The following WWOX variants were observed in gnomAD, a reference collection of about 807,000 sequenced individuals.
WWOX encodes WW domain containing oxidoreductase, also known as WW domain-containing oxidoreductase.
WWOX carries 69 observed loss-of-function variants against 46.2 expected under a neutral mutation model. That is an observed-to-expected ratio of 1.49 (90% CI 1.23 to 1.82). The LOEUF (loss-of-function observed/expected upper bound fraction) is 1.82. Among genes scored for constraint, WWOX ranks in the 40% most tolerant of loss-of-function variants. The pLI is 0.00. For missense variants in WWOX, 919 were observed against 542.6 expected, an observed-to-expected ratio of 1.69 and a Z score of -6.89; for synonymous variants, 359 against 202.6, an observed-to-expected ratio of 1.77 and a Z score of -6.56.
At chr16:78,400,662 A>C (rs1282851816) in intron 6 of WWOX, among the ~76,000 whole-genome samples, 2 of 152,188 alleles carry the variant, frequency 1.3e-5, no homozygotes, top group Non-Finnish European at 2.9e-5. Context: ...AAGCAGGTAG[A>C]AAGGGAACAG....
intron 8 of WWOX, among the ~76,000 whole-genome samples, chr16:78,971,963 A>G (rs79696158): frequency 0.025 from 3,825 of 152,250 alleles, 159 homozygotes; most frequent in African/African-American, 0.087. Context: ...CTCGGGGAGC[A>G]TTGGAGCTCT....
chr16:78,914,384 G>C (rs1419127481), intron 8 of WWOX, among the ~76,000 whole-genome samples: 1 of 152,078 alleles, frequency 6.6e-6, no homozygotes, highest in South Asian at 2.1e-4. Context: ...AGAAATATTT[G>C]CAGGTGAGTG....
At position 78,740,250 on chromosome 16, in the gene WWOX, C is replaced by A. The variant is rs16948425; in HGVS notation, c.1056+307498C>A. ...AGGCTGGAGTCTTCAGGCGTTCTTA[C>A]AATGCTGATGCGACTCAGACGGCTG... is the stretch of plus-strand genomic sequence containing the variant. On this transcript the variant is annotated intron_variant, in intron 8 of 8. Transcript: ENST00000566780. Among the ~76,000 whole-genome samples the A allele has an allele frequency of 5.1e-3, 784 of 152,246 alleles. 7 individuals are homozygous for A. Among genetic ancestry groups the A allele is most frequent in the African/African-American group, 0.018 (740 of 41,532 alleles).
chr16:78,763,275 T>C lies in WWOX; in HGVS notation c.1056+330523T>C, dbSNP rs57783963. On this transcript the variant is annotated intron_variant, in intron 8 of 8. Coordinates refer to ENST00000566780, the MANE Select transcript of WWOX (RefSeq NM_016373.4). The stretch of plus-strand genomic sequence containing the variant: ...CCTGCATCCTGCAAATTTTGGTATG[T>C]TGTATTTTCATTCTCATTAATTCAA... Among the ~76,000 whole-genome samples the C allele has an allele frequency of 6.0e-3, 918 of 152,364 alleles. 4 individuals carry two copies. The highest frequency in any genetic ancestry group is 0.021 in the African/African-American group (863 of 41,586).
At chr16:78,417,776 C>G (rs74594252) in intron 6 of WWOX, among the ~76,000 whole-genome samples, 2,252 of 152,260 alleles carry the variant, frequency 0.015, 48 homozygotes, top group East Asian at 0.062. Context: ...TATCTCTTCA[C>G]AGAGTAGCTG....
At chr16:78,826,634 G>A (rs907767032) in intron 8 of WWOX, among the ~76,000 whole-genome samples, 4 of 152,120 alleles carry the variant, frequency 2.6e-5, no homozygotes, top group Admixed American at 1.3e-4. Flanking sequence ...GGTCTTCCTG[G>A]CTGATCTCAT....
intron 8 of WWOX, among the ~76,000 whole-genome samples, chr16:78,934,700 C>T (rs1182312500): frequency 6.6e-6 from 1 of 152,048 alleles, no homozygotes; most frequent in African/African-American, 2.4e-5. Context: ...AGCATTTAAA[C>T]TCTTATTTGA....
intron 5 of WWOX, 96 bp downstream of exon 5, chr16:78,164,385 T>C: frequency 2.8e-6 from 3 of 1,079,412 alleles, no homozygotes; most frequent in Non-Finnish European, 4.2e-6. Flanking sequence ...AGTTTATTGC[T>C]CTTGGAATCA....
At chr16:78,906,224 C>A in intron 8 of WWOX, among the ~76,000 whole-genome samples, 1 of 152,122 alleles carries the variant, frequency 6.6e-6, no homozygotes, top group East Asian at 1.9e-4. Context: ...CTCCCTGGGC[C>A]TTGAGATAGC....
intron 8 of WWOX, among the ~76,000 whole-genome samples, chr16:79,073,642 C>T (rs555981302): frequency 2.0e-5 from 3 of 152,084 alleles, no homozygotes; most frequent in Non-Finnish European, 2.9e-5. Context: ...TAATAAAATA[C>T]CTAATTTTCA....
At chr16:78,551,117 C>T (rs182167299) in intron 8 of WWOX, 1 of 151,924 alleles carries the variant, frequency 6.6e-6, no homozygotes, top group Non-Finnish European at 1.5e-5. Flanking sequence ...TGAATATATT[C>T]CATGAAACAG....
At chr16:78,257,431 G>T (rs1039368075) in intron 5 of WWOX, among the ~76,000 whole-genome samples, 2 of 152,202 alleles carry the variant, frequency 1.3e-5, no homozygotes, top group Non-Finnish European at 2.9e-5. Context: ...CCGTGAGGCG[G>T]TGCAGGCTCC....
chr16:78,407,679 A>T (rs975416344), intron 6 of WWOX, among the ~76,000 whole-genome samples: 6 of 152,152 alleles, frequency 3.9e-5, no homozygotes, highest in African/African-American at 1.2e-4. Flanking sequence ...TTCTTGATCA[A>T]CTAGAACCAC....
In WWOX at chr16:78,221,682, A is replaced by C. The variant is rs531880754; in HGVS notation, c.516+57393A>C. Among the ~76,000 whole-genome samples, 7 of 152,328 alleles carry C rather than the reference A, an allele frequency of 4.6e-5. No homozygotes were observed. In the South Asian group the frequency reaches 1.2e-3, roughly 27 times the overall value. ...GTTGCTAATTAATGACCCAAGAGCT[A>C]AGCCTTGTTTGATGAAATGCAAGAT... is the stretch of plus-strand genomic sequence containing the variant. On this transcript the variant is annotated intron_variant, in intron 5 of 8. Coordinates refer to ENST00000566780, the MANE Select transcript of WWOX (RefSeq NM_016373.4).
At position 78,729,555 on chromosome 16, in the gene WWOX, CT is replaced by C. The variant is rs568702815; in HGVS notation, c.1056+296804del. Among the ~76,000 whole-genome samples, 11 of 152,080 alleles carry C rather than the reference CT, an allele frequency of 7.2e-5. No homozygotes were observed. In the East Asian group the frequency reaches 2.1e-3, roughly 30 times the overall value. On this transcript the variant is annotated intron_variant, in intron 8 of 8. Transcript: ENST00000566780. ...GAGGGTGAAGTTGTGCATCCACAAG[CT>C]CAGATATGCCTGGAGCCATCAGGTG...
intron 8 of WWOX, among the ~76,000 whole-genome samples, chr16:79,146,284 G>C (rs368766338): frequency 3.3e-4 from 50 of 152,222 alleles, no homozygotes; most frequent in African/African-American, 1.1e-3. Context: ...TGGAATGTCA[G>C]CCTGACCCTG....
At chr16:78,813,436 A>C (rs1486064290) in intron 8 of WWOX, among the ~76,000 whole-genome samples, 1 of 152,116 alleles carries the variant, frequency 6.6e-6, no homozygotes, top group African/African-American at 2.4e-5. Flanking sequence ...ACTTGAGCTG[A>C]GTTTTGCTAG....
intron 8 of WWOX, among the ~76,000 whole-genome samples, chr16:78,956,975 C>T (rs1237835942): frequency 2.6e-5 from 4 of 152,160 alleles, no homozygotes; most frequent in Non-Finnish European, 5.9e-5. Flanking sequence ...TGGGTATCTT[C>T]GGTGAGAACA....
intron 5 of WWOX, among the ~76,000 whole-genome samples, chr16:78,207,558 T>G (rs2036433255): frequency 6.6e-6 from 1 of 151,976 alleles, no homozygotes; most frequent in Non-Finnish European, 1.5e-5. Context: ...CTCATTTTAA[T>G]TTTCACTCCT....
Sources: allele counts gnomAD v4.1 joint callset (sites outside exome capture counted in the v4.1 genomes callset), GRCh38; gene constraint gnomAD v4.1.1; transcripts MANE v1.5; gene names NCBI Gene and HGNC (gene_info 2026-07-23, HGNC 2026-07-21).